Variants in FARS2 observed in about 807,000 individuals in gnomAD.
FARS2 encodes phenylalanine--tRNA ligase, mitochondrial.
Under a neutral mutation model 46.4 loss-of-function variants are expected in FARS2, and 40 were observed. The observed-to-expected ratio is 0.86, with a 90% CI of 0.67 to 1.12. The LOEUF (loss-of-function observed/expected upper bound fraction) is 1.12. FARS2 is among the 50% of genes most tolerant of loss of function. FARS2 has a pLI of 0.00. For synonymous variants in FARS2, 234 were observed against 214.9 expected, an observed-to-expected ratio of 1.09 and a Z score of -0.78; for missense variants, 513 against 567.9, an observed-to-expected ratio of 0.90 and a Z score of 0.98.
At chr6:5,637,479 A>G (rs947488858) in intron 6 of FARS2, among the ~76,000 whole-genome samples, 1 of 152,210 alleles carries the variant, frequency 6.6e-6, no homozygotes, top group Non-Finnish European at 1.5e-5. Flanking sequence ...AGGGAGCCAC[A>G]GCCTGTAAGT....
intron 1 of FARS2, among the ~76,000 whole-genome samples, chr6:5,287,957 G>C (rs141907736): frequency 2.0e-4 from 31 of 152,286 alleles, no homozygotes; most frequent in African/African-American, 3.9e-4. Flanking sequence ...TATTAAGGTA[G>C]TGCAGGTATC....
At chr6:5,596,733 G>A (rs561633773) in intron 5 of FARS2, among the ~76,000 whole-genome samples, 1 of 152,314 alleles carries the variant, frequency 6.6e-6, no homozygotes, top group East Asian at 1.9e-4. Context: ...GAGGTGAGAT[G>A]TGAGATACCC....
chr6:5,250,473 A>C, the FARS2 span, among the ~76,000 whole-genome samples: 327 of 152,308 alleles, frequency 2.1e-3, 2 homozygotes, highest in African/African-American at 6.6e-3. Context: ...TACTATTTTT[A>C]TTTTTTGAAA....
intron 6 of FARS2, among the ~76,000 whole-genome samples, chr6:5,631,454 A>C (rs1776288870): frequency 6.6e-6 from 1 of 152,224 alleles, no homozygotes; most frequent in Non-Finnish European, 1.5e-5. Flanking sequence ...CCTAATAGTT[A>C]ATAGAAAAAC....
At chr6:5,540,554 G>A (rs1770562681) in intron 4 of FARS2, among the ~76,000 whole-genome samples, 1 of 152,144 alleles carries the variant, frequency 6.6e-6, no homozygotes, top group South Asian at 2.1e-4. Context: ...TCAGCTTTGT[G>A]CTGTGAGAGT....
chr6:5,523,527 G>C (rs1040261768), intron 4 of FARS2, among the ~76,000 whole-genome samples: 1 of 152,130 alleles, frequency 6.6e-6, no homozygotes, highest in African/African-American at 2.4e-5. Context: ...CTGGCTGGTG[G>C]TTGGGTCCCC....
At chr6:5,486,523 T>G (rs7740897) in intron 4 of FARS2, among the ~76,000 whole-genome samples, 30,384 of 152,138 alleles carry the variant, frequency 0.2, 5,060 homozygotes, top group African/African-American at 0.45. Context: ...AGGGGAGAAG[T>G]CTCCACCGTC....
intron 1 of FARS2, among the ~76,000 whole-genome samples, chr6:5,338,995 C>T (rs1771365825): frequency 6.6e-6 from 1 of 152,102 alleles, no homozygotes; most frequent in Admixed American, 6.5e-5. Flanking sequence ...TCATATGTGG[C>T]TATTGGTGAA....
Position 5,319,761 on chromosome 6 carries a change from G to A in FARS2, c.-21-48789G>A, listed in dbSNP as rs572622845. On this transcript the variant is annotated intron_variant, in intron 1 of 6. Coordinates refer to ENST00000274680, the MANE Select transcript of FARS2 (RefSeq NM_006567.5). Reference sequence around the variant, plus strand: ...GGAGATCTCTATGGGTTAGTTGCTGGTAACGGGAAGCTTTCTGTTACCTGA... The same window carrying A: ...GGAGATCTCTATGGGTTAGTTGCTGATAACGGGAAGCTTTCTGTTACCTGA... Among the ~76,000 whole-genome samples the A allele has an allele frequency of 2.4e-4, 37 of 152,250 alleles. 1 individual carries two copies. The South Asian group carries it at 4.6e-3, about 19-fold the overall frequency.
At chr6:5,324,980 G>A (rs962632463) in intron 1 of FARS2, among the ~76,000 whole-genome samples, 1 of 152,088 alleles carries the variant, frequency 6.6e-6, no homozygotes, top group African/African-American at 2.4e-5. Context: ...AAACACATCT[G>A]GTTCCTTGTA....
chr6:5,413,710 G>T (rs1762066494), intron 3 of FARS2, among the ~76,000 whole-genome samples: 1 of 152,100 alleles, frequency 6.6e-6, no homozygotes, highest in African/African-American at 2.4e-5. Flanking sequence ...TTGAATATGT[G>T]CCCAAATCTC....
chr6:5,516,498 C>T (rs1768803667), intron 4 of FARS2, among the ~76,000 whole-genome samples: 1 of 152,262 alleles, frequency 6.6e-6, no homozygotes, highest in South Asian at 2.1e-4. Flanking sequence ...AGTGCTGTAA[C>T]GAAAGCTATA....
intron 1 of FARS2, among the ~76,000 whole-genome samples, chr6:5,354,292 G>C (rs1363621850): frequency 1.3e-5 from 2 of 152,082 alleles, no homozygotes; most frequent in African/African-American, 4.8e-5. Flanking sequence ...CTGAGACTCA[G>C]AGGGGATGGA....
intron 2 of FARS2, among the ~76,000 whole-genome samples, chr6:5,385,113 T>C (rs748197175): frequency 2.6e-5 from 4 of 151,986 alleles, no homozygotes; most frequent in Admixed American, 6.6e-5. Context: ...TAGGACAGAG[T>C]TGTATTTAAC....
intron 1 of FARS2, among the ~76,000 whole-genome samples, chr6:5,274,151 C>T (rs544359870): frequency 2.3e-4 from 35 of 152,318 alleles, no homozygotes; most frequent in Non-Finnish European, 3.5e-4. Flanking sequence ...AGAGGAGCTA[C>T]TGTAACTTAC....
intron 1 of FARS2, among the ~76,000 whole-genome samples, chr6:5,284,519 G>C (rs1766977115): frequency 6.6e-6 from 1 of 152,010 alleles, no homozygotes; most frequent in African/African-American, 2.4e-5. Flanking sequence ...CATGGCTTCT[G>C]GGTTCTGTTT....
intron 1 of FARS2, among the ~76,000 whole-genome samples, chr6:5,264,203 C>T (rs1452914292): frequency 6.6e-6 from 1 of 152,132 alleles, no homozygotes; most frequent in East Asian, 1.9e-4. Context: ...GCCATGATCA[C>T]ATTACTGCTC....
chr6:5,703,800 T>C (rs564433758), intron 6 of FARS2, among the ~76,000 whole-genome samples: 59 of 152,288 alleles, frequency 3.9e-4, no homozygotes, highest in African/African-American at 1.4e-3. Context: ...CCGTCCTGTA[T>C]CCCAGAGCTC....
chr6:5,319,143 G>C (rs1443708005), intron 1 of FARS2, among the ~76,000 whole-genome samples: 2 of 152,086 alleles, frequency 1.3e-5, no homozygotes, highest in Non-Finnish European at 2.9e-5. Flanking sequence ...GTGACCATCA[G>C]GTGATAGTCA....
Sources: gnomAD v4.1 joint callset for allele counts (sites outside exome capture counted in the v4.1 genomes callset) on GRCh38, gnomAD v4.1.1 for gene constraint, MANE v1.5 for transcripts, NCBI Gene and HGNC (gene_info 2026-07-23, HGNC 2026-07-21) for gene names.